Variants in CNBD1 observed in about 807,000 individuals in gnomAD.
The protein encoded by CNBD1 is cyclic nucleotide-binding domain-containing protein 1.
In CNBD1, 71 loss-of-function variants were observed where a neutral mutation model predicts 54.4. That is an observed-to-expected ratio of 1.30 (90% CI 1.08 to 1.59). The LOEUF (loss-of-function observed/expected upper bound fraction) is 1.59, where lower values mean the gene tolerates loss of function less well. CNBD1 is among the 40% of genes most tolerant of loss of function. The pLI, the probability that CNBD1 is intolerant of heterozygous loss-of-function variation, is 0.00. For missense variants in CNBD1, 659 were observed against 518.0 expected, an observed-to-expected ratio of 1.27 and a Z score of -2.64; for synonymous variants, 182 against 170.7, an observed-to-expected ratio of 1.07 and a Z score of -0.51.
At chr8:87,031,082 C>T (rs1435256280) in intron 4 of CNBD1, among the ~76,000 whole-genome samples, 1 of 150,162 alleles carries the variant, frequency 6.7e-6, no homozygotes, top group African/African-American at 2.5e-5. Context: ...TATAGATGCT[C>T]CCAGATTAAA....
intron 4 of CNBD1, among the ~76,000 whole-genome samples, chr8:86,946,323 C>T (rs375105681): frequency 2.6e-5 from 4 of 151,996 alleles, no homozygotes; most frequent in South Asian, 4.2e-4. Context: ...ACAAAGTTGC[C>T]CGGAAAATTT....
At chr8:87,259,074 G>A (rs540461015) in intron 6 of CNBD1, among the ~76,000 whole-genome samples, 1 of 151,940 alleles carries the variant, frequency 6.6e-6, no homozygotes, top group South Asian at 2.1e-4. Flanking sequence ...TATTTTTTCA[G>A]TAGTCTCAAT....
intron 8 of CNBD1, among the ~76,000 whole-genome samples, chr8:87,304,150 G>A (rs28766910): frequency 0.38 from 56,990 of 150,830 alleles, 10,997 homozygotes; most frequent in Middle Eastern, 0.44. Flanking sequence ...ATACCCAAAG[G>A]ACTATAAATC....
intron 8 of CNBD1, among the ~76,000 whole-genome samples, chr8:87,350,925 C>T (rs1050139438): frequency 5.9e-5 from 9 of 152,032 alleles, no homozygotes; most frequent in Non-Finnish European, 1.3e-4. Context: ...AATTCACCTT[C>T]AAATGTATCT....
intron 4 of CNBD1, among the ~76,000 whole-genome samples, chr8:87,009,794 T>C (rs1809178154): frequency 6.6e-6 from 1 of 152,180 alleles, no homozygotes; most frequent in Non-Finnish European, 1.5e-5. Context: ...CTCTTGGCTT[T>C]TGTTTATCTT....
At chr8:87,128,105 G>C (rs1336792427) in intron 4 of CNBD1, among the ~76,000 whole-genome samples, 2 of 152,124 alleles carry the variant, frequency 1.3e-5, no homozygotes, top group African/African-American at 4.8e-5. Context: ...TACATTTCCA[G>C]CTCCCTATCC....
chr8:87,161,367 G>A (rs544280184), intron 4 of CNBD1, among the ~76,000 whole-genome samples: 32 of 152,214 alleles, frequency 2.1e-4, no homozygotes, highest in Non-Finnish European at 3.4e-4. Flanking sequence ...AGCAGCTATG[G>A]CACAGCTAAC....
chr8:86,971,074 C>T (rs910982545), intron 4 of CNBD1, among the ~76,000 whole-genome samples: 1 of 152,058 alleles, frequency 6.6e-6, no homozygotes, highest in Non-Finnish European at 1.5e-5. Flanking sequence ...TAAATATATA[C>T]TTTATTCTGT....
chr8:87,414,343 A>T (rs1000335302), intron 2 of CNBD1, among the ~76,000 whole-genome samples: 1 of 152,042 alleles, frequency 6.6e-6, no homozygotes, highest in African/African-American at 2.4e-5. Context: ...GGACACAGGA[A>T]GGGGAACATC....
chr8:87,011,655 T>TA (rs1301749699), intron 4 of CNBD1, among the ~76,000 whole-genome samples: 1 of 152,124 alleles, frequency 6.6e-6, no homozygotes, highest in Non-Finnish European at 1.5e-5. Context: ...ATTTGAATAA[T>TA]AAAAAGCATT....
At chr8:87,056,556 GC>G (rs1472463686) in intron 4 of CNBD1, among the ~76,000 whole-genome samples, 10 of 151,984 alleles carry the variant, frequency 6.6e-5, no homozygotes, top group Non-Finnish European at 5.9e-5. Flanking sequence ...TAATATATGA[GC>G]AATAAATAAT....
At chr8:87,317,112 C>T (rs555731455) in intron 8 of CNBD1, among the ~76,000 whole-genome samples, 1 of 151,854 alleles carries the variant, frequency 6.6e-6, no homozygotes, top group East Asian at 1.9e-4. Flanking sequence ...AACTGTCTGA[C>T]TAGAAAATAT....
chr8:87,053,619 T>G (rs1810356151), intron 4 of CNBD1, among the ~76,000 whole-genome samples: 1 of 152,200 alleles, frequency 6.6e-6, no homozygotes, highest in African/African-American at 2.4e-5. Flanking sequence ...GTGTGACCTT[T>G]TTTTCATGGA....
chr8:87,095,506 C>G (rs114630909), intron 4 of CNBD1, among the ~76,000 whole-genome samples: 2 of 152,172 alleles, frequency 1.3e-5, no homozygotes, highest in East Asian at 3.8e-4. Context: ...TTATTTTTTA[C>G]TCATGATTTT....
chr8:87,142,512 G>T (rs1812390709), intron 4 of CNBD1, among the ~76,000 whole-genome samples: 1 of 152,024 alleles, frequency 6.6e-6, no homozygotes, highest in Non-Finnish European at 1.5e-5. Flanking sequence ...GTGTAATTAG[G>T]CTAAATACAT....
intron 4 of CNBD1, among the ~76,000 whole-genome samples, chr8:86,976,266 G>A (rs187339171): frequency 7.0e-5 from 8 of 114,850 alleles, no homozygotes; most frequent in Admixed American, 3.3e-4. Flanking sequence ...TGCTTTTGTC[G>A]TCTAGACTTT....
chr8:86,866,673 G>T, intron 1 of CNBD1, 90 bp downstream of exon 1: 2 of 896,142 alleles, frequency 2.2e-6, no homozygotes, highest in African/African-American at 1.7e-5. Flanking sequence ...GTATTTCAGG[G>T]TTGATAGGGA....
intron 5 of CNBD1, among the ~76,000 whole-genome samples, chr8:87,230,999 A>G (rs77795170): frequency 0.074 from 11,195 of 152,096 alleles, 1,267 homozygotes; most frequent in African/African-American, 0.24. Context: ...GTCTCAGGAA[A>G]CTTACATTCA....
intron 2 of CNBD1, among the ~76,000 whole-genome samples, chr8:87,420,369 T>C (rs544459403): frequency 6.6e-6 from 1 of 152,162 alleles, no homozygotes; most frequent in South Asian, 2.1e-4. Context: ...CTGAGGTCTC[T>C]CGGAAGGTAC....
Sources: allele counts gnomAD v4.1 joint callset (sites outside exome capture counted in the v4.1 genomes callset), GRCh38; gene constraint gnomAD v4.1.1; transcripts MANE v1.5; gene names NCBI Gene and HGNC (gene_info 2026-07-23, HGNC 2026-07-21).